Variants in IMMP2L observed in about 807,000 individuals in gnomAD.
The protein encoded by IMMP2L is mitochondrial inner membrane protease subunit 2.
A neutral mutation model predicts 19.3 loss-of-function variants in IMMP2L; 18 were observed. That is an observed-to-expected ratio of 0.93 (90% CI 0.64 to 1.38). The LOEUF (loss-of-function observed/expected upper bound fraction) is 1.38. Ranked by LOEUF, IMMP2L falls within the 40% of genes most tolerant of loss-of-function variation. IMMP2L has a pLI of 0.00. For missense variants in IMMP2L, 233 were observed against 218.2 expected, an observed-to-expected ratio of 1.07 and a Z score of -0.43; for synonymous variants, 76 against 73.0, an observed-to-expected ratio of 1.04 and a Z score of -0.21.
At chr7:110,891,155 A>G (rs1054920212) in intron 4 of IMMP2L, among the ~76,000 whole-genome samples, 11 of 151,744 alleles carry the variant, frequency 7.2e-5, no homozygotes, top group African/African-American at 2.2e-4. Flanking sequence ...ATTGTCTTGA[A>G]GGACCAGAAG....
intron 5 of IMMP2L, among the ~76,000 whole-genome samples, chr7:110,740,360 G>A (rs1444112010): frequency 6.6e-6 from 1 of 151,950 alleles, no homozygotes; most frequent in Non-Finnish European, 1.5e-5. Flanking sequence ...ATCCAAATAA[G>A]CCCAATTAGA....
At chr7:111,129,916 A>C (rs1801689208) in intron 3 of IMMP2L, among the ~76,000 whole-genome samples, 1 of 152,228 alleles carries the variant, frequency 6.6e-6, no homozygotes, top group Non-Finnish European at 1.5e-5. Context: ...TTTAAAAAGA[A>C]TATTACAGCA....
At chr7:111,240,110 G>C (rs1405307412) in intron 3 of IMMP2L, among the ~76,000 whole-genome samples, 2 of 151,828 alleles carry the variant, frequency 1.3e-5, no homozygotes, top group Admixed American at 6.6e-5. Flanking sequence ...TTTAGTAGCA[G>C]CTCTTAAGGA....
chr7:110,985,670 A>G (rs1040797279), intron 3 of IMMP2L, among the ~76,000 whole-genome samples: 6 of 152,168 alleles, frequency 3.9e-5, no homozygotes, highest in Non-Finnish European at 8.8e-5. Context: ...ATGAAATAAT[A>G]AAACATTTAC....
intron 3 of IMMP2L, among the ~76,000 whole-genome samples, chr7:111,362,533 A>G (rs1465415021): frequency 6.6e-6 from 1 of 152,068 alleles, no homozygotes. Flanking sequence ...CACTAAGTAG[A>G]TGAGAAGGAT....
intron 3 of IMMP2L, among the ~76,000 whole-genome samples, chr7:111,263,742 G>A (rs1018952087): frequency 1.3e-5 from 2 of 152,108 alleles, no homozygotes; most frequent in Non-Finnish European, 2.9e-5. Flanking sequence ...TCAGTAAAAG[G>A]AAGAGGAGTA....
Position 111,276,488 on chromosome 7 carries a change from C to T in IMMP2L, c.239+210750G>A, listed in dbSNP as rs548868287. ...AGTAAGTTAGGAAGAATTCCCTCCC[C>T]CTCAATTTTCTGGAATAGTTCCAAG... On this transcript the variant is annotated intron_variant, in intron 3 of 5. Coordinates refer to ENST00000405709, the MANE Select transcript of IMMP2L (RefSeq NM_032549.4). 9.2e-5 allele frequency among the ~76,000 whole-genome samples: 14 copies of T among 152,042 alleles called. No homozygotes were observed. The South Asian group carries it at 2.7e-3, about 29-fold the overall frequency.
intron 3 of IMMP2L, among the ~76,000 whole-genome samples, chr7:111,151,618 CAT>C (rs1180215172): frequency 6.6e-6 from 1 of 152,100 alleles, no homozygotes; most frequent in African/African-American, 2.4e-5. Context: ...AAAAAATAAA[CAT>C]AACATTTATG....
At chr7:110,847,162 A>T (rs2131498429) in intron 5 of IMMP2L, among the ~76,000 whole-genome samples, 1 of 152,348 alleles carries the variant, frequency 6.6e-6, no homozygotes, top group South Asian at 2.1e-4. Flanking sequence ...ATGCTGATTT[A>T]AAAAGTCAAG....
chr7:111,268,567 C>CTTTTT (rs1562987595), intron 3 of IMMP2L, among the ~76,000 whole-genome samples: 4 of 63,350 alleles, frequency 6.3e-5, no homozygotes, highest in Non-Finnish European at 3.1e-5. Flanking sequence ...CTTCACATTT[C>CTTTTT]TCTTTTTTTT....
chr7:111,505,825 T>C (rs895614808), intron 2 of IMMP2L, among the ~76,000 whole-genome samples: 29 of 143,372 alleles, frequency 2.0e-4, no homozygotes, highest in African/African-American at 7.7e-4. Context: ...TGTTGTGGGG[T>C]GGGGGGAGCG....
At chr7:111,015,531 G>T (rs191997516) in intron 3 of IMMP2L, among the ~76,000 whole-genome samples, 5 of 152,148 alleles carry the variant, frequency 3.3e-5, no homozygotes, top group African/African-American at 1.2e-4. Flanking sequence ...ACTTGCAAAT[G>T]GTTAAGAGGG....
chr7:110,966,021 A>G (rs1054837900), intron 3 of IMMP2L, among the ~76,000 whole-genome samples: 2 of 152,080 alleles, frequency 1.3e-5, no homozygotes, highest in Non-Finnish European at 2.9e-5. Context: ...ATTTTAAAAA[A>G]GAAAAAAATT....
rs115609190 is a variant in IMMP2L at position 110,695,411 on chromosome 7, C to T, written c.409-31690G>A. 3.2e-3 allele frequency among the ~76,000 whole-genome samples: 485 copies of T among 152,074 alleles called. 6 individuals are homozygous for T. Among genetic ancestry groups the T allele is most frequent in the African/African-American group, 0.011 (453 of 41,520 alleles). On this transcript the variant is annotated intron_variant, in intron 5 of 5. Coordinates refer to ENST00000405709, the MANE Select transcript of IMMP2L (RefSeq NM_032549.4). The stretch of plus-strand genomic sequence containing the variant: ...CTTGCCATGTTTCCCAGGCTAGTCT[C>T]GGACTCCTGGGCTCAAGCAATCCTC...
chr7:111,391,829 C>A (rs1026343478), intron 3 of IMMP2L: 1 of 701,596 alleles, frequency 1.4e-6, no homozygotes, highest in Non-Finnish European at 2.6e-6. Flanking sequence ...TATGACAACA[C>A]GACCATACCT....
chr7:111,099,280 T>C (rs1355853467), intron 3 of IMMP2L, among the ~76,000 whole-genome samples: 1 of 151,684 alleles, frequency 6.6e-6, no homozygotes, highest in Non-Finnish European at 1.5e-5. Context: ...TTTAGACACT[T>C]TTTTCCCCTC....
chr7:111,310,319 G>C (rs1310267558), intron 3 of IMMP2L, among the ~76,000 whole-genome samples: 1 of 151,202 alleles, frequency 6.6e-6, no homozygotes, highest in African/African-American at 2.4e-5. Context: ...AACTTCGCCA[G>C]ATTGGAAAAG....
chr7:110,964,111 G>A (rs960254491), intron 3 of IMMP2L, among the ~76,000 whole-genome samples: 4 of 151,918 alleles, frequency 2.6e-5, no homozygotes, highest in South Asian at 2.1e-4. Context: ...TCACTTCCCC[G>A]TATCCTTCTG....
At position 110,882,738 on chromosome 7, in the gene IMMP2L, A is replaced by G. The variant is rs553801122; in HGVS notation, c.408+3855T>C. 6.6e-5 allele frequency among the ~76,000 whole-genome samples: 10 copies of G among 151,786 alleles called. No homozygotes were observed. The South Asian group carries it at 2.1e-3, about 32-fold the overall frequency. On this transcript the variant is annotated intron_variant, in intron 5 of 5. Coordinates refer to ENST00000405709, the MANE Select transcript of IMMP2L (RefSeq NM_032549.4). ...TTTCATCCTTCCTGCAACTCCAAGA[A>G]TCTACTGTTTTTTTTTGTTTTTTCT...
Sources: allele counts gnomAD v4.1 joint callset (sites outside exome capture counted in the v4.1 genomes callset), GRCh38; gene constraint gnomAD v4.1.1; transcripts MANE v1.5; gene names NCBI Gene and HGNC (gene_info 2026-07-23, HGNC 2026-07-21).